Variants in BLTP2 observed in about 807,000 individuals in gnomAD.
The protein encoded by BLTP2 is U937-associated antigen.
chr17:28,639,911 C>T, the BLTP2 span: 2 of 1,614,118 alleles, frequency 1.2e-6, no homozygotes, highest in Non-Finnish European at 1.7e-6. Flanking sequence ...CTTCCAGCAG[C>T]AGTTCAGTGC....
At chr17:28,624,191 T>A in the BLTP2 span, 1 of 1,590,306 alleles carries the variant, frequency 6.3e-7, no homozygotes, top group Non-Finnish European at 8.6e-7. Flanking sequence ...AATATGATCA[T>A]GATCTAGCCT....
the BLTP2 span, chr17:28,614,909 G>C: frequency 1.1e-5 from 8 of 696,122 alleles, no homozygotes; most frequent in Non-Finnish European, 2.0e-5. Flanking sequence ...TGTCCACCAT[G>C]CCCTGCAGCG....
the BLTP2 span, chr17:28,642,330 A>G: frequency 2.5e-6 from 4 of 1,614,072 alleles, no homozygotes; most frequent in Non-Finnish European, 3.4e-6. Context: ...CACCTCACAG[A>G]TTAGCCTGGG....
chr17:28,639,371 C>T, the BLTP2 span: 3 of 1,614,038 alleles, frequency 1.9e-6, no homozygotes, highest in Middle Eastern at 3.3e-4. Flanking sequence ...CCAGTGCTAG[C>T]AGGTGCAGCC....
At chr17:28,633,981 C>A in the BLTP2 span, 2 of 1,614,150 alleles carry the variant, frequency 1.2e-6, no homozygotes, top group Non-Finnish European at 1.7e-6. Flanking sequence ...CAAGATCTGA[C>A]GCCGACGGGA....
the BLTP2 span, chr17:28,639,653 C>A: frequency 6.2e-7 from 1 of 1,613,044 alleles, no homozygotes; most frequent in Non-Finnish European, 8.5e-7. Context: ...CTGTAAGAGG[C>A]CAGAGGACAG....
chr17:28,625,101 G>T, the BLTP2 span, among the ~76,000 whole-genome samples: 1 of 152,088 alleles, frequency 6.6e-6, no homozygotes, highest in African/African-American at 2.4e-5. Context: ...ACTTTGGGAG[G>T]CTGAAGTGGG....
chr17:28,641,713 C>T, the BLTP2 span, among the ~76,000 whole-genome samples: 331 of 151,820 alleles, frequency 2.2e-3, 3 homozygotes, highest in African/African-American at 7.1e-3. Flanking sequence ...CCACTCAATG[C>T]TGGTTCTGCC....
the BLTP2 span, among the ~76,000 whole-genome samples, chr17:28,623,582 GAA>G: frequency 3.8e-4 from 56 of 145,794 alleles, no homozygotes; most frequent in African/African-American, 8.4e-4. Context: ...ACACCATGAG[GAA>G]AAAAAAAAAA....
chr17:28,631,568 G>A, the BLTP2 span: 1 of 1,614,156 alleles, frequency 6.2e-7, no homozygotes, highest in Non-Finnish European at 8.5e-7. Context: ...TCAAGACAGT[G>A]ATCAGCATTC....
chr17:28,641,509 G>A, the BLTP2 span, among the ~76,000 whole-genome samples: 5 of 151,974 alleles, frequency 3.3e-5, no homozygotes, highest in East Asian at 1.9e-4. Context: ...GCATGGTGGC[G>A]GATGACTGTA....
the BLTP2 span, chr17:28,632,232 G>T: frequency 1.9e-6 from 3 of 1,595,656 alleles, no homozygotes; most frequent in Non-Finnish European, 2.6e-6. Context: ...TTCGGGGCTG[G>T]GATATTGCTG....
the BLTP2 span, chr17:28,620,543 T>C: frequency 6.2e-7 from 1 of 1,614,186 alleles, no homozygotes; most frequent in Middle Eastern, 1.6e-4. Context: ...CAGCAGGTTG[T>C]TGACAATGTC....
At chr17:28,620,349 T>A in the BLTP2 span, among the ~76,000 whole-genome samples, 4 of 152,112 alleles carry the variant, frequency 2.6e-5, no homozygotes, top group Non-Finnish European at 4.4e-5. Flanking sequence ...CTTTCCTAAG[T>A]AAGTGGAATT....
the BLTP2 span, chr17:28,638,086 ATAGCTACCC>A: frequency 2.5e-6 from 4 of 1,613,908 alleles, no homozygotes; most frequent in Non-Finnish European, 3.4e-6. Flanking sequence ...GAGGCTGGTT[ATAGCTACCC>A]TAGAGAAGAA....
At chr17:28,637,087 C>T in the BLTP2 span, 118 of 1,614,062 alleles carry the variant, frequency 7.3e-5, no homozygotes, top group South Asian at 4.5e-4. Context: ...TTCACCAGCG[C>T]TAACACAAGT....
the BLTP2 span, among the ~76,000 whole-genome samples, chr17:28,641,038 TTTAG>T: frequency 2.6e-5 from 4 of 152,324 alleles, no homozygotes; most frequent in Non-Finnish European, 5.9e-5. Context: ...ATGCTGAGGA[TTTAG>T]TTAGAGAATA....
At chr17:28,630,953 A>G in the BLTP2 span, among the ~76,000 whole-genome samples, 1 of 152,242 alleles carries the variant, frequency 6.6e-6, no homozygotes, top group Non-Finnish European at 1.5e-5. Context: ...TTCAAAAAGA[A>G]GGATGCTGAT....
chr17:28,618,239 A>G, the BLTP2 span, among the ~76,000 whole-genome samples: 2 of 151,254 alleles, frequency 1.3e-5, no homozygotes, highest in Non-Finnish European at 3.0e-5. Context: ...GGCCTATCAT[A>G]TATGTTTTTA....
Sources: gnomAD v4.1 joint callset for allele counts (sites outside exome capture counted in the v4.1 genomes callset) on GRCh38, gnomAD v4.1.1 for gene constraint, MANE v1.5 for transcripts, NCBI Gene and HGNC (gene_info 2026-07-23, HGNC 2026-07-21) for gene names.